NDFIP2: variants seen among roughly 807,000 people sequenced by gnomAD.
NDFIP2 encodes the protein Nedd4 family interacting protein 2, also known as NEDD4 family-interacting protein 2.
In NDFIP2, 19 loss-of-function variants were observed where a neutral mutation model predicts 36.0. The ratio of observed to expected loss-of-function variants is 0.53; its 90% confidence interval spans 0.37 to 0.77. The LOEUF (loss-of-function observed/expected upper bound fraction) is 0.77. Among genes scored for constraint, NDFIP2 ranks in the 30% least tolerant of loss-of-function variants. NDFIP2 has a pLI of 0.00. For missense variants in NDFIP2, 446 were observed against 435.8 expected (o/e 1.02, Z -0.21); for synonymous variants, 181 against 167.7 (o/e 1.08, Z -0.61).
intron 1 of NDFIP2, among the ~76,000 whole-genome samples, chr13:79,501,201 A>G (rs891096840): frequency 6.6e-5 from 10 of 152,084 alleles, no homozygotes; most frequent in Admixed American, 1.3e-4. Flanking sequence ...GAGGATTTTT[A>G]GGACAGTGAA....
At position 79,489,109 on chromosome 13, in the gene NDFIP2, G is replaced by A. The variant is rs377193487; in HGVS notation, c.321+7585G>A. Among the ~76,000 whole-genome samples the A allele has an allele frequency of 5.3e-5, 8 of 152,226 alleles. No individual in the cohort carries two copies. In the East Asian group the frequency reaches 1.2e-3, roughly 22 times the overall value. On this transcript the variant is annotated intron_variant, in intron 1 of 7. Coordinates refer to ENST00000218652, the MANE Select transcript of NDFIP2 (RefSeq NM_019080.3). ...GTGTAACAAACATCTCTAAATACAA[G>A]TATTTATTTTCTTTTAAGATTCCAT...
rs771230936 is a variant in NDFIP2, at chr13:79,481,346, A to G, written c.143A>G (p.Glu48Gly). The G allele has an allele frequency of 6.5e-7, 1 of 1,549,194 alleles. No homozygotes were observed. Residue 48 changes from glutamate to glycine, a missense_variant, in exon 1 of 8, where the codon GAG (glutamate) becomes GGG (glycine). Physicochemically the swap from Glu to Gly is moderately conservative, Grantham distance 98. Transcript: ENST00000218652. ...GCTGCGGGAGCCACAGGAAGTGAAG[A>G]GCTTCCGCCGGGAGACCGCGGCTGC... The part of the protein sequence containing the change: ...AAAAGATGSE[E>G]LPPGDRGCRN...
Position 79,481,476 on chromosome 13 carries a change from G to C in NDFIP2, c.273G>C (p.Glu91Asp). 1 of 1,562,456 alleles carries C rather than the reference G, an allele frequency of 6.4e-7. No individual in the cohort carries two copies. The highest frequency in any genetic ancestry group is 8.7e-7 in the Non-Finnish European group (1 of 1,152,904). The change falls in exon 1 of 8, where the codon GAG (glutamate) becomes GAC (aspartate). Residue 91 changes from glutamate to aspartate, a missense_variant. This residue lies in a region of NDFIP2 where 369 missense variants were observed against 304.8 expected (regional missense o/e 1.21). Coordinates refer to ENST00000218652, the MANE Select transcript of NDFIP2 (RefSeq NM_019080.3). ...EDSLSRKPDP[E>D]PGRMDHHQPG... Reference sequence around the variant, plus strand: ...CCCTCTCTCGGAAGCCGGATCCCGAGCCGGGCAGGATGGATCACCACCAGC... The same window carrying C: ...CCCTCTCTCGGAAGCCGGATCCCGACCCGGGCAGGATGGATCACCACCAGC...
chr13:79,546,530 A>G (rs1875688127), intron 5 of NDFIP2, among the ~76,000 whole-genome samples: 1 of 152,130 alleles, frequency 6.6e-6, no homozygotes, highest in African/African-American at 2.4e-5. Flanking sequence ...AATCAACATG[A>G]TTGGTTTACT....
rs1352322738 is a variant in NDFIP2 at position 79,523,623 on chromosome 13, T to C, written c.487+2648T>C. On this transcript the variant is annotated intron_variant, in intron 2 of 7. Coordinates refer to ENST00000218652, the MANE Select transcript of NDFIP2 (RefSeq NM_019080.3). ...AACTAATAATAAACTAGAACAGTTA[T>C]GGCAATACTGTAATAAAAGTTATGT... Among the ~76,000 whole-genome samples the C allele has an allele frequency of 2.0e-5, 3 of 152,234 alleles. No homozygotes were observed. The East Asian group carries it at 5.8e-4, about 29-fold the overall frequency.
intron 2 of NDFIP2, among the ~76,000 whole-genome samples, chr13:79,528,317 AAG>A (rs2137095077): frequency 6.6e-6 from 1 of 152,324 alleles, no homozygotes; most frequent in South Asian, 2.1e-4. Context: ...GGATATAAAA[AAG>A]AAAATATTTT....
intron 1 of NDFIP2, among the ~76,000 whole-genome samples, chr13:79,482,208 A>G (rs2079819461): frequency 7.5e-6 from 1 of 133,468 alleles, no homozygotes; most frequent in Non-Finnish European, 1.6e-5. Flanking sequence ...TTAGAGGGGA[A>G]ACAGAGGTAG....
At position 79,481,486 on chromosome 13, in the gene NDFIP2, A is replaced by G. The variant is rs1402511437; in HGVS notation, c.283A>G (p.Met95Val). Residue 95 changes from methionine (M) to valine (V), a missense_variant, in exon 1 of 8, where the codon ATG (methionine) becomes GTG (valine). Met to Val is a conservative substitution (Grantham distance 21). Coordinates refer to ENST00000218652, the MANE Select transcript of NDFIP2 (RefSeq NM_019080.3). ...SRKPDPEPGR[M>V]DHHQPGTGRY... ...GAAGCCGGATCCCGAGCCGGGCAGG[A>G]TGGATCACCACCAGCCGGGGACTGG... 6.4e-7 allele frequency: 1 copy of G among 1,560,300 alleles called. No individual in the cohort carries two copies. Among genetic ancestry groups the G allele is most frequent in the Non-Finnish European group, 8.7e-7 (1 of 1,151,778 alleles).
rs2079809961 is a variant in NDFIP2 at position 79,481,291 on chromosome 13, AC to A, written c.90del (p.Ala31ArgfsTer90). ...ARGAPELLRG[T>X]ATNAEVSAAA... ...CGGCGCCCCGGAGCTTCTCCGCGGA[AC>A]CGCGACCAACGCGGAGGTCTCGGCG... On this transcript the variant is annotated frameshift_variant, in exon 1 of 8. Coordinates refer to ENST00000218652, the MANE Select transcript of NDFIP2 (RefSeq NM_019080.3). LOFTEE classifies it high-confidence loss of function. 1.3e-6 allele frequency: 2 copies of A among 1,539,640 alleles called. No homozygotes were observed. Among genetic ancestry groups the A allele is most frequent in the South Asian group, 1.2e-5 (1 of 83,992 alleles).
chr13:79,509,686 T>TAGAGAG (rs145822478), intron 1 of NDFIP2, among the ~76,000 whole-genome samples: 27,276 of 110,412 alleles, frequency 0.25, 2,930 homozygotes, highest in East Asian at 0.37. Flanking sequence ...GATATATATA[T>TAGAGAG]ATATAGAGAG....
At chr13:79,549,571 A>G (rs889882706) in intron 6 of NDFIP2, among the ~76,000 whole-genome samples, 1 of 151,872 alleles carries the variant, frequency 6.6e-6, no homozygotes, top group Non-Finnish European at 1.5e-5. Context: ...TGTTGCTCTC[A>G]CATATGCTGA....
chr13:79,541,665 A>G (rs1020282350), intron 4 of NDFIP2, among the ~76,000 whole-genome samples: 3 of 151,866 alleles, frequency 2.0e-5, no homozygotes, highest in East Asian at 1.9e-4. Context: ...AACTTGCTAT[A>G]TTTTCCGTGT....
chr13:79,535,518 C>T (rs1015752636), intron 3 of NDFIP2, among the ~76,000 whole-genome samples: 3 of 152,196 alleles, frequency 2.0e-5, no homozygotes, highest in African/African-American at 7.2e-5. Context: ...CCTGTTTTTA[C>T]CTGCTTCTGA....
chr13:79,542,854 A>G (rs141576818), intron 4 of NDFIP2, among the ~76,000 whole-genome samples: 3 of 151,736 alleles, frequency 2.0e-5, no homozygotes, highest in Non-Finnish European at 4.4e-5. Context: ...CAAGTATTCA[A>G]TTTTATTGTT....
intron 1 of NDFIP2, among the ~76,000 whole-genome samples, chr13:79,513,240 T>G (rs575966639): frequency 6.6e-6 from 1 of 152,280 alleles, no homozygotes; most frequent in East Asian, 1.9e-4. Flanking sequence ...ACTGTGGACT[T>G]ACAATGAAAG....
At chr13:79,483,113 CT>C (rs2079825163) in intron 1 of NDFIP2, among the ~76,000 whole-genome samples, 1 of 152,120 alleles carries the variant, frequency 6.6e-6, no homozygotes, top group African/African-American at 2.4e-5. Flanking sequence ...GCCCCCTCCC[CT>C]CGTTTTTTTC....
chr13:79,488,153 G>A lies in NDFIP2; in HGVS notation c.321+6629G>A, dbSNP rs572807713. Among the ~76,000 whole-genome samples, 159 of 152,034 alleles carry A rather than the reference G, an allele frequency of 1.0e-3. 1 individual carries two copies. Among genetic ancestry groups the A allele is most frequent in the Non-Finnish European group, 1.8e-3 (119 of 67,938 alleles). On this transcript the variant is annotated intron_variant, in intron 1 of 7. Transcript: ENST00000218652. ...TCTTTGTATGTTGAAAAAACTAATT[G>A]AGGAAATGTACACTCAAATATGTTG...
At chr13:79,540,916 G>A (rs1258754966) in intron 4 of NDFIP2, among the ~76,000 whole-genome samples, 1 of 152,164 alleles carries the variant, frequency 6.6e-6, no homozygotes, top group African/African-American at 2.4e-5. Flanking sequence ...GTTATATAAT[G>A]TTAGGTATAA....
intron 2 of NDFIP2, among the ~76,000 whole-genome samples, chr13:79,530,751 G>T (rs1274739108): frequency 2.0e-5 from 3 of 152,136 alleles, no homozygotes; most frequent in Non-Finnish European, 4.4e-5. Flanking sequence ...CAGCAATTCA[G>T]TCACATTTTC....
Sources: allele counts gnomAD v4.1 joint callset (sites outside exome capture counted in the v4.1 genomes callset), GRCh38; gene constraint gnomAD v4.1.1; regional missense constraint gnomAD v4.1.1; transcripts MANE v1.5; gene names NCBI Gene and HGNC (gene_info 2026-07-23, HGNC 2026-07-21).